The following TTF2 variants were observed in gnomAD, a reference collection of about 807,000 sequenced individuals.
TTF2 encodes the protein RNA polymerase II termination factor.
A neutral mutation model predicts 142.4 loss-of-function variants in TTF2; 108 were observed. That is an observed-to-expected ratio of 0.76 (90% CI 0.65 to 0.89). The LOEUF (loss-of-function observed/expected upper bound fraction) is 0.89, where lower values mean the gene tolerates loss of function less well. Ranked by LOEUF, TTF2 falls within the 40% of genes least tolerant of loss-of-function variation. The pLI is 0.00. For synonymous variants in TTF2, 483 were observed against 506.2 expected (o/e 0.95, Z 0.61); for missense variants, 1,327 against 1,379.8 (o/e 0.96, Z 0.61).
rs370138042 is a variant in TTF2 at position 117,086,386 on chromosome 1, A to C, written c.2055-31A>C. 1.1e-5 allele frequency: 16 copies of C among 1,521,580 alleles called. No homozygotes were observed. In the African/African-American group the frequency reaches 2.1e-4, roughly 20 times the overall value. The allele number at this position is 1,521,580 out of a possible 1,614,324, so 94.3% of individuals were successfully genotyped here. ...CTCATTGTCCCTCTATAGTGGGACC[A>C]TTTATTGATTTCTTTGTTATGTCTA... On this transcript the variant is annotated intron_variant, in intron 11 of 22. Transcript: ENST00000369466. The surrounding 1 kb of genome is among the most constrained non-coding windows in gnomAD (Gnocchi z 4.2).
chr1:117,088,311 G>T lies in TTF2; in HGVS notation c.2161-490G>T, dbSNP rs1034237824. On this transcript the variant is annotated intron_variant, in intron 12 of 22. Transcript: ENST00000369466. Reference sequence around the variant, plus strand: ...CCAGCACTTTGGAAGGCCGAGGCGGGTGGATCACGAGGTCAGGAGATCGAG... The same window carrying T: ...CCAGCACTTTGGAAGGCCGAGGCGGTTGGATCACGAGGTCAGGAGATCGAG... Among the ~76,000 whole-genome samples the T allele has an allele frequency of 5.9e-5, 9 of 152,308 alleles. No individual in the cohort carries two copies. The East Asian group carries it at 1.7e-3, about 29-fold the overall frequency.
Position 117,085,489 on chromosome 1 carries a change from G to T in TTF2, c.2055-928G>T, listed in dbSNP as rs1647924020. On this transcript the variant is annotated intron_variant, in intron 11 of 22. Coordinates refer to ENST00000369466, the MANE Select transcript of TTF2 (RefSeq NM_003594.4). This position sits in a 1 kb window ranked among gnomAD's most constrained non-coding sequence, Gnocchi z 4.7. Reference sequence around the variant, plus strand: ...AATCGCTTGAGCCTGGAAGGTGGAGGTTGCAGTGAGCCAAGATCACACCCC... The same window carrying T: ...AATCGCTTGAGCCTGGAAGGTGGAGTTTGCAGTGAGCCAAGATCACACCCC... Among the ~76,000 whole-genome samples the T allele has an allele frequency of 6.6e-6, 1 of 152,082 alleles. No homozygotes were observed. Among genetic ancestry groups the T allele is most frequent in the Non-Finnish European group, 1.5e-5 (1 of 68,014 alleles).
rs1404344207 is a variant in TTF2, at chr1:117,076,954, A to G, written c.1573+131A>G. ...ACCTGTGGTTCAAAAAAAGGTGAGTACAGTACAGTAAGATATTTTGAGAGA... is the reference window on the plus strand; with the variant it reads ...ACCTGTGGTTCAAAAAAAGGTGAGTGCAGTACAGTAAGATATTTTGAGAGA... On this transcript the variant is annotated intron_variant, in intron 7 of 22. Coordinates refer to ENST00000369466, the MANE Select transcript of TTF2 (RefSeq NM_003594.4). The surrounding 1 kb of genome is among the most constrained non-coding windows in gnomAD (Gnocchi z 4.6). The G allele has an allele frequency of 1.5e-6, 1 of 668,138 alleles. No individual in the cohort carries two copies. The highest frequency in any genetic ancestry group is 3.5e-5 in the Admixed American group (1 of 28,530). 41.4% of individuals were successfully genotyped at this position (668,138 alleles called of 1,614,324 possible). A position where few individuals can be genotyped will look rare whatever the true frequency, so the allele number is the denominator to read the frequency against.
chr1:117,092,956 CCT>C lies in TTF2; in HGVS notation c.2976+56_2976+57del. 6.3e-7 allele frequency: 1 copy of C among 1,588,120 alleles called. No individual in the cohort carries two copies. On this transcript the variant is annotated intron_variant, in intron 18 of 22. Coordinates refer to ENST00000369466, the MANE Select transcript of TTF2 (RefSeq NM_003594.4). The surrounding 1 kb of genome is among the most constrained non-coding windows in gnomAD (Gnocchi z 4.4). ...GAGACTTCGATTCCTCACACATTTT[CCT>C]GTGTGACAGCACTTCATTTGTCCAA...
In TTF2 at chr1:117,101,498, GACC is replaced by G; in HGVS notation, c.3464_3466del (p.Asp1155_Leu1156delinsVal). The stretch of plus-strand genomic sequence containing the variant: ...ATCTGTCACCAAGCTCACCTTGGCT[GACC>G]TCAGAGTCCTTTTTGGCATCTAACC... On this transcript the variant is annotated inframe_deletion, in exon 23 of 23. Transcript: ENST00000369466. This position sits in a 1 kb window ranked among gnomAD's most constrained non-coding sequence, Gnocchi z 5.9. 6.3e-7 allele frequency: 1 copy of G among 1,599,308 alleles called. No individual in the cohort carries two copies. Among genetic ancestry groups the G allele is most frequent in the Non-Finnish European group, 8.5e-7 (1 of 1,176,416 alleles).
chr1:117,092,690 C>T lies in TTF2; in HGVS notation c.2806-41C>T. On this transcript the variant is annotated intron_variant, in intron 17 of 22. Coordinates refer to ENST00000369466, the MANE Select transcript of TTF2 (RefSeq NM_003594.4). This position sits in a 1 kb window ranked among gnomAD's most constrained non-coding sequence, Gnocchi z 4.4. ...CATCAACAAGTAACAAGGTTTGCTC[C>T]CTTGACTCCCAGCTGCTCCTGTCCT... 13 of 1,590,676 alleles carry T rather than the reference C, an allele frequency of 8.2e-6. No individual in the cohort carries two copies. Among genetic ancestry groups the T allele is most frequent in the Non-Finnish European group, 1.1e-5 (13 of 1,168,180 alleles).
At position 117,076,371 on chromosome 1, in the gene TTF2, G is replaced by C; in HGVS notation, c.1390+77G>C. 3.4e-6 allele frequency: 4 copies of C among 1,179,636 alleles called. No individual in the cohort carries two copies. Among genetic ancestry groups the C allele is most frequent in the Non-Finnish European group, 4.9e-6 (4 of 824,704 alleles). 73.1% of individuals were successfully genotyped at this position (1,179,636 alleles called of 1,614,324 possible). ...ACATTCGGGAAGCCCTTTTAATAAA[G>C]AATGTGTTGATTCATTCACTTTTCC... On this transcript the variant is annotated intron_variant, in intron 6 of 22. Transcript: ENST00000369466. This position sits in a 1 kb window ranked among gnomAD's most constrained non-coding sequence, Gnocchi z 4.6.
chr1:117,066,903 A>G (rs1016504293), intron 3 of TTF2, among the ~76,000 whole-genome samples: 1 of 151,990 alleles, frequency 6.6e-6, no homozygotes, highest in Non-Finnish European at 1.5e-5. Flanking sequence ...GGCTTTTGCC[A>G]TGTTGGCCAG....
chr1:117,074,167 G>A (rs1241648567), intron 4 of TTF2, among the ~76,000 whole-genome samples: 2 of 152,104 alleles, frequency 1.3e-5, no homozygotes, highest in East Asian at 1.9e-4. Flanking sequence ...TAGAAGTAGG[G>A]AGGTGATAAG....
intron 10 of TTF2, 143 bp from the exon 11 acceptor site, chr1:117,083,875 G>A (rs1233824874): frequency 9.5e-6 from 9 of 945,372 alleles, no homozygotes; most frequent in Middle Eastern, 2.4e-4. Flanking sequence ...ACTGTGGGAG[G>A]CTAAGGCAGG....
At position 117,090,335 on chromosome 1, in the gene TTF2, GCCCC is replaced by G; in HGVS notation, c.2496+128_2496+131del. The stretch of plus-strand genomic sequence containing the variant: ...GAGTTTCCCATCCTCCTGTGAGGAG[GCCCC>G]AGGGTTGCAGTTCCATGCCTAGTGT... On this transcript the variant is annotated intron_variant, in intron 14 of 22. Coordinates refer to ENST00000369466, the MANE Select transcript of TTF2 (RefSeq NM_003594.4). This position sits in a 1 kb window ranked among gnomAD's most constrained non-coding sequence, Gnocchi z 4.8. 4 of 1,368,280 alleles carry G rather than the reference GCCCC, an allele frequency of 2.9e-6. No individual in the cohort carries two copies. The highest frequency in any genetic ancestry group is 4.0e-6 in the Non-Finnish European group (4 of 999,334). The allele number at this position is 1,368,280 out of a possible 1,614,324, so 84.8% of individuals were successfully genotyped here.
chr1:117,095,042 G>A (rs1266760098), intron 18 of TTF2, among the ~76,000 whole-genome samples: 2 of 152,226 alleles, frequency 1.3e-5, no homozygotes, highest in Non-Finnish European at 2.9e-5. Flanking sequence ...AGAAGCAGAG[G>A]CTGGAGCAGC....
At chr1:117,083,963 A>C in intron 10 of TTF2, 55 bp from the exon 11 acceptor site, 2 of 1,599,108 alleles carry the variant, frequency 1.3e-6, no homozygotes, top group African/African-American at 1.3e-5. Context: ...AAAAAAGAAA[A>C]GTTAAAAGCC....
chr1:117,103,049 T>G lies in TTF2; in HGVS notation c.*1525T>G, dbSNP rs1264546605. 1 of 152,216 alleles carries G rather than the reference T, an allele frequency of 6.6e-6. No individual in the cohort carries two copies. The highest frequency in any genetic ancestry group is 1.5e-5 in the Non-Finnish European group (1 of 68,058). The allele number at this position is 152,216 out of a possible 1,614,324, so 9.4% of individuals were successfully genotyped here. A position where few individuals can be genotyped will look rare whatever the true frequency, so the allele number is the denominator to read the frequency against. Reference sequence around the variant, plus strand: ...ACTTTCCAAAAGATCATTCATGCTGTTTCTTCCCTCCTCAGCCTATGGGAT... The same window carrying G: ...ACTTTCCAAAAGATCATTCATGCTGGTTCTTCCCTCCTCAGCCTATGGGAT... On this transcript the variant is annotated 3_prime_UTR_variant, in exon 23 of 23. Transcript: ENST00000369466.
chr1:117,092,991 C>A lies in TTF2; in HGVS notation c.2976+90C>A. 1.4e-6 allele frequency: 2 copies of A among 1,461,418 alleles called. No homozygotes were observed. The highest frequency in any genetic ancestry group is 1.3e-5 in the South Asian group (1 of 79,776). 90.5% of individuals were successfully genotyped at this position (1,461,418 alleles called of 1,614,324 possible). On this transcript the variant is annotated intron_variant, in intron 18 of 22. Transcript: ENST00000369466. The surrounding 1 kb of genome is among the most constrained non-coding windows in gnomAD (Gnocchi z 4.4). ...AGCACTTCATTTGTCCAAGTGGGAACAGCCATTTGCCAGCAGAGCTAGAGC... is the reference window on the plus strand; with the variant it reads ...AGCACTTCATTTGTCCAAGTGGGAAAAGCCATTTGCCAGCAGAGCTAGAGC...
intron 18 of TTF2, 75 bp from the exon 19 acceptor site, chr1:117,095,234 T>C: frequency 7.0e-7 from 1 of 1,437,616 alleles, no homozygotes; most frequent in East Asian, 2.3e-5. Context: ...AGGAGGCTGC[T>C]TCGCATGGCA....
In TTF2 at chr1:117,075,175, A is replaced by G; in HGVS notation, c.591A>G (p.Glu197=). 6.2e-7 allele frequency: 1 copy of G among 1,614,192 alleles called. No individual in the cohort carries two copies. Among genetic ancestry groups the G allele is most frequent in the East Asian group, 2.2e-5 (1 of 44,878 alleles). The part of the protein sequence containing the change: ...KQSVVQEKKQ[E]EGAEIQCEAE... The stretch of plus-strand genomic sequence containing the variant: ...CTGTAGTTCAAGAGAAGAAGCAAGA[A>G]GAGGGAGCAGAGATTCAGTGTGAGG... Residue 197 remains glutamate (E), a synonymous_variant, in exon 5 of 23, where the codon GAA becomes GAG. Coordinates refer to ENST00000369466, the MANE Select transcript of TTF2 (RefSeq NM_003594.4). The surrounding 1 kb of genome is among the most constrained non-coding windows in gnomAD (Gnocchi z 4.5).
chr1:117,079,567 G>A lies in TTF2; in HGVS notation c.1702-1G>A, dbSNP rs775120669. 4.3e-6 allele frequency: 7 copies of A among 1,614,192 alleles called. No individual in the cohort carries two copies. In the East Asian group the frequency reaches 1.1e-4, roughly 26 times the overall value. ...TAGCATTTGGTTATTACCTTTGTCAGGTCCCTTTGCTACTACACCAGAAGC... is the reference window on the plus strand; with the variant it reads ...TAGCATTTGGTTATTACCTTTGTCAAGTCCCTTTGCTACTACACCAGAAGC... On this transcript the variant is annotated splice_acceptor_variant, in intron 8 of 22. Transcript: ENST00000369466. LOFTEE classifies it high-confidence loss of function. This position sits in a 1 kb window ranked among gnomAD's most constrained non-coding sequence, Gnocchi z 4.2.
rs1037516510 is a variant in TTF2 at position 117,080,582 on chromosome 1, A to G, written c.1783+933A>G. Among the ~76,000 whole-genome samples, 1 of 152,218 alleles carries G rather than the reference A, an allele frequency of 6.6e-6. No individual in the cohort carries two copies. The highest frequency in any genetic ancestry group is 1.5e-5 in the Non-Finnish European group (1 of 68,032). ...TCTGCTTTGGGGACTTGTCAGGCTA[A>G]AATTTTCTAAGGTGTTCAATTTTCA... On this transcript the variant is annotated intron_variant, in intron 9 of 22. Transcript: ENST00000369466. This position sits in a 1 kb window ranked among gnomAD's most constrained non-coding sequence, Gnocchi z 4.3.
Sources: allele counts gnomAD v4.1 joint callset (sites outside exome capture counted in the v4.1 genomes callset), GRCh38; gene constraint gnomAD v4.1.1; non-coding constraint Gnocchi (gnomAD v3.1); transcripts MANE v1.5; gene names NCBI Gene and HGNC (gene_info 2026-07-23, HGNC 2026-07-21).